Variants in ZNF485 observed in about 807,000 individuals in gnomAD.
ZNF485 encodes the protein zinc finger protein 485, also known as Zinc finger protein 93 (Zinc finger protein HTF34).
In ZNF485, 9 loss-of-function variants were observed where a neutral mutation model predicts 10.8. The observed-to-expected ratio is 0.83, with a 90% CI of 0.50 to 1.45. The LOEUF (loss-of-function observed/expected upper bound fraction) is 1.45, where lower values mean the gene tolerates loss of function less well. Among genes scored for constraint, ZNF485 ranks in the 40% most tolerant of loss-of-function variants. The pLI is 0.00. For missense variants in ZNF485, 487 were observed against 528.0 expected (o/e 0.92, Z 0.76); for synonymous variants, 187 against 181.0 (o/e 1.03, Z -0.27).
chr10:43,612,372 T>C (rs75771453), intron 4 of ZNF485, among the ~76,000 whole-genome samples: 2,136 of 152,290 alleles, frequency 0.014, 41 homozygotes, highest in African/African-American at 0.046. Flanking sequence ...TGTAATACTT[T>C]CATAAAACAT....
Position 43,616,393 on chromosome 10 carries a change from G to T in ZNF485, c.350G>T (p.Gly117Val). The T allele has an allele frequency of 6.2e-7, 1 of 1,614,136 alleles. No homozygotes were observed. Among genetic ancestry groups the T allele is most frequent in the Non-Finnish European group, 8.5e-7 (1 of 1,180,022 alleles). ...ERTKSVMMEK[G>V]LDWEGRSSTE... Reference sequence around the variant, plus strand: ...ACGAAAAGTGTCATGATGGAAAAAGGCCTGGACTGGGAGGGCAGAAGCTCC... The same window carrying T: ...ACGAAAAGTGTCATGATGGAAAAAGTCCTGGACTGGGAGGGCAGAAGCTCC... Residue 117 changes from glycine to valine, a missense_variant, in exon 5 of 5, where the codon GGC becomes GTC. Physicochemically the swap from Gly to Val is moderately radical, Grantham distance 109. Transcript: ENST00000361807.
Position 43,609,341 on chromosome 10 carries a change from AC to A in ZNF485, c.239del (p.Thr80AsnfsTer16). 6.2e-7 allele frequency: 1 copy of A among 1,613,696 alleles called. No individual in the cohort carries two copies. Among genetic ancestry groups the A allele is most frequent in the Non-Finnish European group, 8.5e-7 (1 of 1,179,662 alleles). On this transcript the variant is annotated frameshift_variant, in exon 4 of 5. Coordinates refer to ENST00000361807, the MANE Select transcript of ZNF485 (RefSeq NM_145312.4). LOFTEE classifies it low-confidence loss of function (END_TRUNC). ...WTEVREAPSG[T>X]HAVEDYWFET... ...TGAGGTGCGAGAGGCTCCATCAGGC[AC>A]ACATGCAGGTGAGTGGGTGGGGAAC...
intron 4 of ZNF485, among the ~76,000 whole-genome samples, chr10:43,614,739 C>T (rs954986472): frequency 2.0e-5 from 3 of 151,220 alleles, no homozygotes; most frequent in Admixed American, 6.6e-5. Context: ...TTTCTTTTCC[C>T]GAGATCATGA....
intron 4 of ZNF485, among the ~76,000 whole-genome samples, chr10:43,610,235 G>C (rs1374926269): frequency 6.6e-6 from 1 of 151,970 alleles, no homozygotes; most frequent in Non-Finnish European, 1.5e-5. Context: ...CTTTGTATAT[G>C]TTTTTGTATG....
Position 43,617,398 on chromosome 10 carries a change from C to A in ZNF485, c.*29C>A. On this transcript the variant is annotated 3_prime_UTR_variant, in exon 5 of 5. Coordinates refer to ENST00000361807, the MANE Select transcript of ZNF485 (RefSeq NM_145312.4). ...GGCAAATTGTGCAGAGTAGTTTATT[C>A]CTTCTGACCATCATAGAGGAGACAT... The A allele has an allele frequency of 6.9e-7, 1 of 1,445,430 alleles. No individual in the cohort carries two copies. The highest frequency in any genetic ancestry group is 9.3e-7 in the Non-Finnish European group (1 of 1,072,242). 89.5% of individuals were successfully genotyped at this position (1,445,430 alleles called of 1,614,324 possible).
chr10:43,617,042 ATCTT>A lies in ZNF485; in HGVS notation c.1002_1005del (p.Phe335GlyfsTer103), dbSNP rs757501509. 23 of 1,614,234 alleles carry A rather than the reference ATCTT, an allele frequency of 1.4e-5. No individual in the cohort carries two copies. The highest frequency in any genetic ancestry group is 1.9e-5 in the Non-Finnish European group (23 of 1,180,048). On this transcript the variant is annotated frameshift_variant, in exon 5 of 5. Coordinates refer to ENST00000361807, the MANE Select transcript of ZNF485 (RefSeq NM_145312.4). LOFTEE classifies it low-confidence loss of function (END_TRUNC). ...CCTATCACTGCAGTAAATGTGGAAA[ATCTT>A]TCAGGTATAGCTCATCCTTTGCTGG...
rs138243927 is a variant in ZNF485, at chr10:43,607,272, G to C, written c.24+198G>C. ...AGATTATTGCTACCCATGTTTTCTA[G>C]AGTGCTAGAAACAGAAAAGTGCTTT... On this transcript the variant is annotated intron_variant, in intron 2 of 4. Coordinates refer to ENST00000361807, the MANE Select transcript of ZNF485 (RefSeq NM_145312.4). 4 of 659,290 alleles carry C rather than the reference G, an allele frequency of 6.1e-6. No individual in the cohort carries two copies. In the African/African-American group the frequency reaches 7.3e-5, roughly 12 times the overall value. 40.8% of individuals were successfully genotyped at this position (659,290 alleles called of 1,614,324 possible).
At chr10:43,610,965 T>C (rs1393700691) in intron 4 of ZNF485, among the ~76,000 whole-genome samples, 5 of 152,234 alleles carry the variant, frequency 3.3e-5, no homozygotes, top group Non-Finnish European at 7.3e-5. Flanking sequence ...TGCCTGTTAC[T>C]TTGGCATTTA....
At position 43,607,109 on chromosome 10, in the gene ZNF485, G is replaced by A. The variant is rs941930079; in HGVS notation, c.24+35G>A. On this transcript the variant is annotated intron_variant, in intron 2 of 4. Coordinates refer to ENST00000361807, the MANE Select transcript of ZNF485 (RefSeq NM_145312.4). ...ATTTTTCCATTTCTTGAGAAACCAC[G>A]TGTTTCAGCGAGGTGGGGTTTATGC... The A allele has an allele frequency of 7.1e-6, 11 of 1,550,606 alleles. No individual in the cohort carries two copies. The African/African-American group carries it at 8.2e-5, about 12-fold the overall frequency.
chr10:43,606,913 C>T, intron 1 of ZNF485, 84 bp from the exon 2 acceptor site: 4 of 1,029,828 alleles, frequency 3.9e-6, no homozygotes, highest in Non-Finnish European at 4.4e-6. Context: ...AGGGAACGGG[C>T]GGGCGGGGAC....
chr10:43,609,220 T>C, intron 3 of ZNF485, 35 bp from the exon 4 acceptor site: 1 of 1,537,334 alleles, frequency 6.5e-7, no homozygotes, highest in South Asian at 1.1e-5. Context: ...TCATTTTTTT[T>C]TTCTTCCTCT....
intron 2 of ZNF485, among the ~76,000 whole-genome samples, chr10:43,608,021 T>A (rs1473824404): frequency 6.6e-6 from 1 of 152,232 alleles, no homozygotes; most frequent in African/African-American, 2.4e-5. Flanking sequence ...CATAGTAAGT[T>A]GTTACTCTTA....
intron 4 of ZNF485, among the ~76,000 whole-genome samples, chr10:43,615,317 C>A (rs1475204982): frequency 7.0e-6 from 1 of 143,394 alleles, no homozygotes; most frequent in Non-Finnish European, 1.5e-5. Flanking sequence ...TTGTCTGAAT[C>A]ATTTCGCTCT....
intron 4 of ZNF485, among the ~76,000 whole-genome samples, chr10:43,610,066 A>G (rs1452091744): frequency 6.6e-6 from 1 of 152,314 alleles, no homozygotes; most frequent in East Asian, 1.9e-4. Context: ...TGGTAGTTGC[A>G]GATTCCAAAC....
At chr10:43,611,018 C>T (rs1838758926) in intron 4 of ZNF485, among the ~76,000 whole-genome samples, 1 of 151,746 alleles carries the variant, frequency 6.6e-6, no homozygotes, top group Non-Finnish European at 1.5e-5. Flanking sequence ...TTTAGAGCTT[C>T]TCTCTCTCTC....
chr10:43,607,156 G>T, intron 2 of ZNF485, 82 bp downstream of exon 2: 2 of 1,511,068 alleles, frequency 1.3e-6, no homozygotes, highest in Non-Finnish European at 9.0e-7. Flanking sequence ...ACAATGCCCT[G>T]CCCTGTGTGT....
intron 4 of ZNF485, 55 bp downstream of exon 4, chr10:43,609,405 G>A (rs1838724078): frequency 7.2e-7 from 1 of 1,387,426 alleles, no homozygotes; most frequent in African/African-American, 1.4e-5. Context: ...CAGTACGGGG[G>A]TTCCTGAGTG....
In ZNF485 at chr10:43,617,245, A is replaced by G. The variant is rs1588843704; in HGVS notation, c.1202A>G (p.Gln401Arg). 6.2e-7 allele frequency: 1 copy of G among 1,614,168 alleles called. No homozygotes were observed. The highest frequency in any genetic ancestry group is 8.5e-7 in the Non-Finnish European group (1 of 1,180,004). The part of the protein sequence containing the change: ...FRHSSGLVEH[Q>R]RLHTGEKPYK... ...CACAGCTCAGGCCTTGTTGAACATC[A>G]GAGACTCCATACTGGGGAAAAACCT... The change falls in exon 5 of 5, where the codon CAG becomes CGG. Residue 401 changes from glutamine to arginine, a missense_variant. Physicochemically the swap from Gln to Arg is conservative, Grantham distance 43. Transcript: ENST00000361807.
chr10:43,609,090 A>G (rs1838715045), intron 3 of ZNF485, among the ~76,000 whole-genome samples, 165 bp from the exon 4 acceptor site: 1 of 152,136 alleles, frequency 6.6e-6, no homozygotes, highest in Admixed American at 6.5e-5. Context: ...TGAGTTGGAC[A>G]TCCTGGGTGC....
Sources: allele counts gnomAD v4.1 joint callset (sites outside exome capture counted in the v4.1 genomes callset), GRCh38; gene constraint gnomAD v4.1.1; transcripts MANE v1.5; gene names NCBI Gene and HGNC (gene_info 2026-07-23, HGNC 2026-07-21).